CKAP5: variants seen among roughly 807,000 people sequenced by gnomAD.
CKAP5 encodes cytoskeleton associated protein 5, also known as cytoskeleton-associated protein 5.
Under a neutral mutation model 232.8 loss-of-function variants are expected in CKAP5, and 27 were observed. The observed-to-expected ratio is 0.12, with a 90% CI of 0.09 to 0.16. The LOEUF is 0.16. CKAP5 is among the 10% of genes least tolerant of loss of function. The pLI is 1.00. For missense variants in CKAP5, 1,838 were observed against 2,424.7 expected (o/e 0.76, Z 5.08); for synonymous variants, 785 against 841.1 (o/e 0.93, Z 1.16).
chr11:46,770,064 T>C lies in CKAP5; in HGVS notation c.3221A>G (p.Glu1074Gly). 6.2e-7 allele frequency: 1 copy of C among 1,614,122 alleles called. No individual in the cohort carries two copies. Among genetic ancestry groups the C allele is most frequent in the South Asian group, 1.1e-5 (1 of 91,088 alleles). The part of the protein sequence containing the change: ...TSKDQVLAML[E>G]KAKVNMPAKP... ...GGCTGGCATGTTAACTTTGGCTTTCTCTAGCATGGCCAATACCTGATCTTT... is the reference window on the plus strand; with the variant it reads ...GGCTGGCATGTTAACTTTGGCTTTCCCTAGCATGGCCAATACCTGATCTTT... The change falls in exon 26 of 44, where the codon GAG (glutamate) becomes GGG (glycine). Residue 1074 changes from glutamate to glycine, a missense_variant. Coordinates refer to ENST00000529230, the MANE Select transcript of CKAP5 (RefSeq NM_001008938.4).
At position 46,754,994 on chromosome 11, in the gene CKAP5, G is replaced by C; in HGVS notation, c.4763C>G (p.Thr1588Ser). 1 of 1,613,978 alleles carries C rather than the reference G, an allele frequency of 6.2e-7. No individual in the cohort carries two copies. The highest frequency in any genetic ancestry group is 8.5e-7 in the Non-Finnish European group (1 of 1,179,944). Residue 1588 changes from threonine to serine, a missense_variant, in exon 36 of 44, where the codon ACT becomes AGT. This residue lies in a region of CKAP5 where 579 missense variants were observed against 843.2 expected (regional missense o/e 0.69). Coordinates refer to ENST00000529230, the MANE Select transcript of CKAP5 (RefSeq NM_001008938.4). ...GTAGATGAGTCTTAGCTGCATAAAA[G>C]TGGCTATCAGAAACTGATCAATATG... is the stretch of plus-strand genomic sequence containing the variant. The part of the protein sequence containing the change: ...SGHIDQFLIA[T>S]FMQLRLIYNT...
At chr11:46,838,242 A>C (rs936603683) in intron 1 of CKAP5, among the ~76,000 whole-genome samples, 5 of 152,174 alleles carry the variant, frequency 3.3e-5, no homozygotes, top group African/African-American at 1.2e-4. Context: ...TTTTTAAAAA[A>C]TTCAGATGTA....
intron 3 of CKAP5, among the ~76,000 whole-genome samples, chr11:46,817,457 C>T (rs1939429340): frequency 6.6e-6 from 1 of 152,108 alleles, no homozygotes; most frequent in African/African-American, 2.4e-5. Flanking sequence ...TACCGGGAAT[C>T]AGAAGAACTG....
chr11:46,799,316 A>C (rs1938972283), intron 9 of CKAP5, among the ~76,000 whole-genome samples: 1 of 152,218 alleles, frequency 6.6e-6, no homozygotes, highest in African/African-American at 2.4e-5. Context: ...AATGGCATCC[A>C]AAAACAAGAA....
chr11:46,794,628 A>G (rs1938823932), intron 13 of CKAP5, among the ~76,000 whole-genome samples: 1 of 152,054 alleles, frequency 6.6e-6, no homozygotes, highest in Non-Finnish European at 1.5e-5. Context: ...ACTTGAGGCC[A>G]GGAGTTCAAG....
intron 8 of CKAP5, among the ~76,000 whole-genome samples, 156 bp downstream of exon 8, chr11:46,807,875 T>C: frequency 6.6e-6 from 1 of 152,190 alleles, no homozygotes; most frequent in East Asian, 1.9e-4. Flanking sequence ...ACAACAGGAA[T>C]TTAAAACAAC....
chr11:46,779,440 T>C (rs1254439364), intron 20 of CKAP5, among the ~76,000 whole-genome samples: 2 of 152,002 alleles, frequency 1.3e-5, no homozygotes, highest in African/African-American at 4.8e-5. Flanking sequence ...GCCAAAATCA[T>C]CAATTTCTTA....
At chr11:46,801,120 GT>G in intron 9 of CKAP5, 79 bp downstream of exon 9, 1 of 953,774 alleles carries the variant, frequency 1.0e-6, no homozygotes, top group Non-Finnish European at 1.7e-6. Context: ...CCAAGGAGTT[GT>G]TTTAAAGCAA....
intron 3 of CKAP5, among the ~76,000 whole-genome samples, chr11:46,816,714 T>C (rs1230191495): frequency 2.0e-5 from 3 of 152,072 alleles, no homozygotes; most frequent in Non-Finnish European, 4.4e-5. Context: ...TCCAGACCTT[T>C]CTCTAAGTGT....
At chr11:46,779,129 T>TA (rs1412546840) in intron 20 of CKAP5, among the ~76,000 whole-genome samples, 1 of 151,838 alleles carries the variant, frequency 6.6e-6, no homozygotes, top group African/African-American at 2.4e-5. Context: ...AAACAAAACA[T>TA]AAAAATTTTT....
intron 18 of CKAP5, 149 bp downstream of exon 18, chr11:46,783,125 G>C: frequency 6.1e-6 from 3 of 488,392 alleles, no homozygotes; most frequent in Non-Finnish European, 1.1e-5. Flanking sequence ...ATAGACCTTT[G>C]AGAACAAAGG....
chr11:46,786,474 G>A (rs4752934), intron 16 of CKAP5, among the ~76,000 whole-genome samples: 1,778 of 152,304 alleles, frequency 0.012, 22 homozygotes, highest in Middle Eastern at 0.017. Flanking sequence ...CTGGACTCTG[G>A]CTAGCTCAGT....
At chr11:46,746,858 G>A (rs1409661998) in intron 42 of CKAP5, among the ~76,000 whole-genome samples, 1 of 152,240 alleles carries the variant, frequency 6.6e-6, no homozygotes, top group African/African-American at 2.4e-5. Flanking sequence ...TGGGTATGGT[G>A]GCTCACACCT....
At chr11:46,798,252 C>T in intron 9 of CKAP5, 80 bp from the exon 10 acceptor site, 1 of 1,023,154 alleles carries the variant, frequency 9.8e-7, no homozygotes, top group Non-Finnish European at 1.5e-6. Context: ...ATGGCTGAAC[C>T]TTAAAAATAG....
At chr11:46,840,418 A>G (rs1380370830) in intron 1 of CKAP5, among the ~76,000 whole-genome samples, 1 of 152,180 alleles carries the variant, frequency 6.6e-6, no homozygotes, top group Non-Finnish European at 1.5e-5. Context: ...TGTTCAATGA[A>G]TGAATAAGAC....
At chr11:46,783,131 A>G (rs2065357610) in intron 18 of CKAP5, 143 bp downstream of exon 18, 4 of 500,444 alleles carry the variant, frequency 8.0e-6, no homozygotes. Context: ...CTTTGAGAAC[A>G]AAGGTAATTT....
chr11:46,767,168 T>C (rs1216873508), intron 27 of CKAP5, among the ~76,000 whole-genome samples: 1 of 152,078 alleles, frequency 6.6e-6, no homozygotes, highest in African/African-American at 2.4e-5. Flanking sequence ...ATTACAGGTG[T>C]GCCACCATGC....
chr11:46,762,438 T>A lies in CKAP5; in HGVS notation c.4027+189A>T, dbSNP rs1316088100. The A allele has an allele frequency of 4.6e-6, 4 of 872,470 alleles. No individual in the cohort carries two copies. The Admixed American group carries it at 6.8e-5, about 15-fold the overall frequency. 54.0% of individuals were successfully genotyped at this position (872,470 alleles called of 1,614,324 possible). On this transcript the variant is annotated intron_variant, in intron 31 of 43. Coordinates refer to ENST00000529230, the MANE Select transcript of CKAP5 (RefSeq NM_001008938.4). Reference sequence around the variant, plus strand: ...CTTGATTTTGTCACCAGGGTGATACTGAGTGGTGCCTGTATCACCTGATAC... The same window carrying A: ...CTTGATTTTGTCACCAGGGTGATACAGAGTGGTGCCTGTATCACCTGATAC...
At chr11:46,830,147 TTAGA>T (rs1275328559) in intron 1 of CKAP5, among the ~76,000 whole-genome samples, 5 of 151,598 alleles carry the variant, frequency 3.3e-5, no homozygotes, top group African/African-American at 1.2e-4. Flanking sequence ...CAGAGAAAGA[TTAGA>T]ATAGAGTAGG....
Sources: gnomAD v4.1 joint callset for allele counts (sites outside exome capture counted in the v4.1 genomes callset) on GRCh38, gnomAD v4.1.1 for gene constraint, gnomAD v4.1.1 regional missense constraint, MANE v1.5 for transcripts, NCBI Gene and HGNC (gene_info 2026-07-23, HGNC 2026-07-21) for gene names.